WWOX: variants seen among roughly 807,000 people sequenced by gnomAD.
WWOX encodes the protein WW domain containing oxidoreductase, also known as WW domain-containing oxidoreductase.
A neutral mutation model predicts 46.2 loss-of-function variants in WWOX; 69 were observed. The observed-to-expected ratio is 1.49, with a 90% CI of 1.23 to 1.82. The LOEUF (loss-of-function observed/expected upper bound fraction) is 1.82. Among genes scored for constraint, WWOX ranks in the 40% most tolerant of loss-of-function variants. The probability of loss-of-function intolerance (pLI) is 0.00; values close to 1 mark genes in which losing one functional copy is unlikely to be tolerated. For synonymous variants in WWOX, 359 were observed against 202.6 expected (o/e 1.77, Z -6.56); for missense variants, 919 against 542.6 (o/e 1.69, Z -6.89).
chr16:79,164,080 C>A (rs2050543405), intron 8 of WWOX, among the ~76,000 whole-genome samples: 1 of 152,166 alleles, frequency 6.6e-6, no homozygotes, highest in Non-Finnish European at 1.5e-5. Context: ...TTCAGTTTGC[C>A]ATATAAAAGC....
At chr16:78,321,051 A>G (rs2080456581) in intron 5 of WWOX, among the ~76,000 whole-genome samples, 1 of 152,078 alleles carries the variant, frequency 6.6e-6, no homozygotes, top group Non-Finnish European at 1.5e-5. Flanking sequence ...ATATGAGAAT[A>G]CTCATACTCA....
chr16:79,023,815 A>T (rs952836653), intron 8 of WWOX, among the ~76,000 whole-genome samples: 9 of 150,930 alleles, frequency 6.0e-5, no homozygotes, highest in Admixed American at 1.3e-4. Context: ...AATTAGCCAG[A>T]CATGGTGGTG....
chr16:78,297,743 A>AT (rs1206157360), intron 5 of WWOX, among the ~76,000 whole-genome samples: 38 of 152,206 alleles, frequency 2.5e-4, no homozygotes, highest in Non-Finnish European at 5.9e-5. Context: ...ATGGTGGAAT[A>AT]CAAAAGTCAT....
intron 5 of WWOX, among the ~76,000 whole-genome samples, chr16:78,209,014 T>C (rs1414585270): frequency 6.6e-6 from 1 of 152,190 alleles, no homozygotes. Flanking sequence ...GTTTTGTCAA[T>C]TCCTATTGGG....
At chr16:79,006,262 C>G (rs866721165) in intron 8 of WWOX, among the ~76,000 whole-genome samples, 1 of 152,140 alleles carries the variant, frequency 6.6e-6, no homozygotes, top group Non-Finnish European at 1.5e-5. Flanking sequence ...AAGAGGAGAC[C>G]TGTCCTGGGA....
intron 8 of WWOX, among the ~76,000 whole-genome samples, chr16:78,670,085 C>G (rs1181276221): frequency 6.6e-6 from 1 of 152,106 alleles, no homozygotes; most frequent in Non-Finnish European, 1.5e-5. Flanking sequence ...CTGTTCCCGG[C>G]CGCCCCCGGA....
intron 8 of WWOX, among the ~76,000 whole-genome samples, chr16:78,540,074 G>A (rs1489047220): frequency 1.4e-5 from 2 of 146,568 alleles, no homozygotes; most frequent in Non-Finnish European, 3.0e-5. Context: ...AATATAAACT[G>A]TAGAGTTAAC....
intron 8 of WWOX, among the ~76,000 whole-genome samples, chr16:78,759,767 T>A (rs965319274): frequency 6.6e-6 from 1 of 152,162 alleles, no homozygotes; most frequent in Non-Finnish European, 1.5e-5. Context: ...AGCACAAATG[T>A]CTTATCTTAC....
intron 8 of WWOX, among the ~76,000 whole-genome samples, chr16:78,955,607 A>G (rs930280117): frequency 6.6e-6 from 1 of 151,648 alleles, no homozygotes; most frequent in South Asian, 2.1e-4. Flanking sequence ...TTTATTTTTT[A>G]TATTTTTTTT....
intron 8 of WWOX, among the ~76,000 whole-genome samples, chr16:79,035,995 A>G (rs533677280): frequency 1.3e-5 from 2 of 152,242 alleles, no homozygotes; most frequent in East Asian, 3.9e-4. Context: ...TGCTTGGCTT[A>G]AGAATCTATC....
chr16:78,489,475 C>CT (rs373225128), intron 8 of WWOX, among the ~76,000 whole-genome samples: 30 of 150,644 alleles, frequency 2.0e-4, no homozygotes, highest in African/African-American at 4.6e-4. Context: ...TTCGTGAGCT[C>CT]TTTTTTTTTT....
At chr16:78,354,961 G>C (rs35870646) in intron 5 of WWOX, among the ~76,000 whole-genome samples, 15,620 of 152,000 alleles carry the variant, frequency 0.1, 852 homozygotes, top group African/African-American at 0.13. Flanking sequence ...GTGAAGCTCT[G>C]TCTATCCTAA....
intron 5 of WWOX, among the ~76,000 whole-genome samples, chr16:78,356,930 C>G (rs1170976826): frequency 2.0e-5 from 3 of 152,134 alleles, no homozygotes; most frequent in African/African-American, 7.2e-5. Context: ...TATATGAGAT[C>G]TTCACCCAAT....
chr16:78,798,579 A>G (rs1194216908), intron 8 of WWOX, among the ~76,000 whole-genome samples: 2 of 130,008 alleles, frequency 1.5e-5, no homozygotes, highest in South Asian at 5.4e-4. Context: ...CCCCCAAGGT[A>G]GTTGTTGTTG....
At chr16:78,661,173 C>G (rs980741365) in intron 8 of WWOX, among the ~76,000 whole-genome samples, 2 of 152,168 alleles carry the variant, frequency 1.3e-5, no homozygotes, top group African/African-American at 2.4e-5. Context: ...AAACTGTCCT[C>G]TAGAATGGTT....
intron 4 of WWOX, among the ~76,000 whole-genome samples, chr16:78,161,426 CTCTT>C (rs1320694221): frequency 6.6e-6 from 1 of 150,948 alleles, no homozygotes; most frequent in East Asian, 1.9e-4. Flanking sequence ...CTCTCTCTCT[CTCTT>C]TCTTTCTCTT....
chr16:79,112,867 G>A (rs2049443594), intron 8 of WWOX, among the ~76,000 whole-genome samples: 2 of 152,158 alleles, frequency 1.3e-5, no homozygotes, highest in Admixed American at 6.5e-5. Context: ...AGCCAAGTGA[G>A]ACCCAAACTC....
intron 8 of WWOX, among the ~76,000 whole-genome samples, chr16:78,964,852 A>C (rs544909620): frequency 6.6e-6 from 1 of 151,982 alleles, no homozygotes; most frequent in African/African-American, 2.4e-5. Context: ...TGTCCCAGCC[A>C]CTCCAGTCAT....
At chr16:79,161,961 C>A (rs2050495094) in intron 8 of WWOX, among the ~76,000 whole-genome samples, 1 of 152,344 alleles carries the variant, frequency 6.6e-6, no homozygotes, top group South Asian at 2.1e-4. Context: ...TAGGAATCCA[C>A]CTACACAGAG....
Sources: allele counts gnomAD v4.1 joint callset (sites outside exome capture counted in the v4.1 genomes callset), GRCh38; gene constraint gnomAD v4.1.1; transcripts MANE v1.5; gene names NCBI Gene and HGNC (gene_info 2026-07-23, HGNC 2026-07-21).